Variants in FOXO3 observed in about 807,000 individuals in gnomAD.
The protein encoded by FOXO3 is forkhead box protein O3.
FOXO3 carries 4 observed loss-of-function variants against 41.9 expected under a neutral mutation model. The ratio of observed to expected loss-of-function variants is 0.10; its 90% confidence interval spans 0.05 to 0.22. The LOEUF is 0.22. FOXO3 is among the 10% of genes least tolerant of loss of function. The pLI, the probability that FOXO3 is intolerant of heterozygous loss-of-function variation, is 1.00. For missense variants in FOXO3, 534 were observed against 906.8 expected (o/e 0.59, Z 5.28); for synonymous variants, 318 against 389.3 (o/e 0.82, Z 2.16).
At chr6:108,602,827 A>G (rs149086877) in intron 1 of FOXO3, among the ~76,000 whole-genome samples, 1,600 of 152,250 alleles carry the variant, frequency 0.011, 21 homozygotes, top group African/African-American at 0.033. Flanking sequence ...CTGAGAGTTA[A>G]GTGGTCTTTT....
chr6:108,663,388 A>G (rs957053804), intron 1 of FOXO3, 67 bp from the exon 2 acceptor site: 34 of 1,519,432 alleles, frequency 2.2e-5, no homozygotes, highest in Admixed American at 6.8e-5. Context: ...CTGATTTACT[A>G]TATCATCTGG....
intron 1 of FOXO3, among the ~76,000 whole-genome samples, chr6:108,607,911 A>T (rs939446689): frequency 6.6e-6 from 1 of 152,208 alleles, no homozygotes; most frequent in East Asian, 1.9e-4. Flanking sequence ...ATAGAAATGT[A>T]TGTTCTTTAA....
Position 108,664,008 on chromosome 6 carries a change from A to T in FOXO3, c.1175A>T (p.Asp392Val). The T allele has an allele frequency of 1.2e-6, 2 of 1,614,136 alleles. No homozygotes were observed. Among genetic ancestry groups the T allele is most frequent in the Non-Finnish European group, 1.7e-6 (2 of 1,180,026 alleles). The change falls in exon 2 of 3, where the codon GAT (aspartate) becomes GTT (valine). Residue 392 changes from aspartate to valine, a missense_variant. Transcript: ENST00000406360. ...LTENLMDDLL[D>V]NITLPPSQPS... Reference sequence around the variant, plus strand: ...GAAAACCTCATGGACGACCTGCTGGATAACATCACGCTCCCGCCATCCCAG... The same window carrying T: ...GAAAACCTCATGGACGACCTGCTGGTTAACATCACGCTCCCGCCATCCCAG...
At position 108,657,206 on chromosome 6, in the gene FOXO3, TTG is replaced by T. The variant is rs149570952; in HGVS notation, c.622-6246_622-6245del. ...TACCACTGCACTCTCTTTAGACACATTGTGATAGAGGTGTTTTAAGGGTTCTT... is the reference window on the plus strand; with the variant it reads ...TACCACTGCACTCTCTTTAGACACATTGATAGAGGTGTTTTAAGGGTTCTT... On this transcript the variant is annotated intron_variant, in intron 1 of 2. Coordinates refer to ENST00000406360, the MANE Select transcript of FOXO3 (RefSeq NM_001455.4). Among the ~76,000 whole-genome samples, 579 of 152,350 alleles carry T rather than the reference TTG, an allele frequency of 3.8e-3. 3 individuals are homozygous for T. The highest frequency in any genetic ancestry group is 0.013 in the African/African-American group (527 of 41,586).
intron 1 of FOXO3, among the ~76,000 whole-genome samples, chr6:108,585,022 CTT>C (rs1159028928): frequency 4.8e-3 from 248 of 51,438 alleles, no homozygotes; most frequent in African/African-American, 0.02. Flanking sequence ...TCTCCAAAAT[CTT>C]TTTTTTTTTT....
intron 1 of FOXO3, among the ~76,000 whole-genome samples, chr6:108,625,972 T>TG (rs1261200944): frequency 6.6e-6 from 1 of 152,174 alleles, no homozygotes; most frequent in Non-Finnish European, 1.5e-5. Context: ...GCTGGTGTGT[T>TG]GCATAAGCTT....
At chr6:108,603,066 T>G (rs1463585172) in intron 1 of FOXO3, among the ~76,000 whole-genome samples, 1 of 152,168 alleles carries the variant, frequency 6.6e-6, no homozygotes, top group African/African-American at 2.4e-5. Flanking sequence ...TCATTCAATG[T>G]AAGACTTTTT....
At chr6:108,593,958 A>G (rs1268803634) in intron 1 of FOXO3, among the ~76,000 whole-genome samples, 1 of 151,536 alleles carries the variant, frequency 6.6e-6, no homozygotes, top group East Asian at 1.9e-4. Flanking sequence ...ACCTCAGGTG[A>G]TCTACCCGCC....
At chr6:108,637,237 A>G (rs1778143274) in intron 1 of FOXO3, among the ~76,000 whole-genome samples, 1 of 152,150 alleles carries the variant, frequency 6.6e-6, no homozygotes, top group South Asian at 2.1e-4. Context: ...CACTTGAAAA[A>G]ATTGCGTTAC....
chr6:108,595,538 T>C (rs1776857613), intron 1 of FOXO3, among the ~76,000 whole-genome samples: 1 of 152,204 alleles, frequency 6.6e-6, no homozygotes, highest in African/African-American at 2.4e-5. Flanking sequence ...GTTTTTGTAG[T>C]TTCTGTAACT....
intron 2 of FOXO3, among the ~76,000 whole-genome samples, chr6:108,678,557 A>C (rs1218429251): frequency 6.6e-6 from 1 of 150,410 alleles, no homozygotes. Flanking sequence ...ATCTGATAAG[A>C]CTTGTATAAA....
At chr6:108,617,598 T>G (rs542136476) in intron 1 of FOXO3, among the ~76,000 whole-genome samples, 21 of 152,294 alleles carry the variant, frequency 1.4e-4, no homozygotes, top group African/African-American at 5.1e-4. Flanking sequence ...ATTCTCCAGT[T>G]GAACAAGGTA....
intron 1 of FOXO3, among the ~76,000 whole-genome samples, chr6:108,623,493 A>G (rs1453279383): frequency 6.6e-6 from 1 of 152,150 alleles, no homozygotes; most frequent in Admixed American, 6.5e-5. Flanking sequence ...GCTCAGCCCC[A>G]TTGAGGGCCC....
intron 2 of FOXO3, among the ~76,000 whole-genome samples, chr6:108,674,240 A>G (rs1270915292): frequency 6.6e-6 from 1 of 152,194 alleles, no homozygotes; most frequent in Non-Finnish European, 1.5e-5. Context: ...AGTTGCAATG[A>G]AAGGATGCTG....
chr6:108,678,575 G>A (rs945823819), intron 2 of FOXO3, among the ~76,000 whole-genome samples: 1 of 149,892 alleles, frequency 6.7e-6, no homozygotes, highest in South Asian at 2.1e-4. Flanking sequence ...AAATTCAGAT[G>A]CTCTAAGAGC....
rs370442852 is a variant in FOXO3 at position 108,561,840 on chromosome 6, A to G, written c.621+11A>G. Reference sequence around the variant, plus strand: ...TCTGCCGGCTGGAAGGTGCGTACCCACCCCGGGCTGGCAGCAGGACCCGCC... The same window carrying G: ...TCTGCCGGCTGGAAGGTGCGTACCCGCCCCGGGCTGGCAGCAGGACCCGCC... On this transcript the variant is annotated intron_variant, in intron 1 of 2. Transcript: ENST00000406360. 2.5e-4 allele frequency: 378 copies of G among 1,515,262 alleles called. 4 individuals carry two copies. In the East Asian group the frequency reaches 7.5e-3, roughly 30 times the overall value. The allele number at this position is 1,515,262 out of a possible 1,614,324, so 93.9% of individuals were successfully genotyped here.
At chr6:108,668,626 A>G (rs1779124725) in intron 2 of FOXO3, among the ~76,000 whole-genome samples, 1 of 152,128 alleles carries the variant, frequency 6.6e-6, no homozygotes, top group African/African-American at 2.4e-5. Context: ...ACATTTGGAG[A>G]CACCATTAGG....
At chr6:108,673,357 G>A (rs184121933) in intron 2 of FOXO3, among the ~76,000 whole-genome samples, 2 of 152,304 alleles carry the variant, frequency 1.3e-5, no homozygotes, top group East Asian at 1.9e-4. Context: ...CCTCACTACC[G>A]GAATCTGCAC....
At chr6:108,638,833 T>TCTAG (rs1378502979) in intron 1 of FOXO3, among the ~76,000 whole-genome samples, 1 of 152,206 alleles carries the variant, frequency 6.6e-6, no homozygotes, top group Non-Finnish European at 1.5e-5. Context: ...AGGTTAGAGG[T>TCTAG]CTAGATTCTT....
Sources: allele counts gnomAD v4.1 joint callset (sites outside exome capture counted in the v4.1 genomes callset), GRCh38; gene constraint gnomAD v4.1.1; transcripts MANE v1.5; gene names NCBI Gene and HGNC (gene_info 2026-07-23, HGNC 2026-07-21).